Variants in ADCY1 observed in about 807,000 individuals in gnomAD.
ADCY1 encodes adenylate cyclase 1, also known as adenylate cyclase type 1.
ADCY1 carries 28 observed loss-of-function variants against 105.4 expected under a neutral mutation model. That is an observed-to-expected ratio of 0.27 (90% confidence interval 0.20 to 0.36). The LOEUF is 0.36. Among genes scored for constraint, ADCY1 ranks in the 10% least tolerant of loss-of-function variants. The pLI, the probability that ADCY1 is intolerant of heterozygous loss-of-function variation, is 1.00. For synonymous variants in ADCY1, 655 were observed against 623.8 expected (o/e 1.05, Z -0.75); for missense variants, 977 against 1,434.2 (o/e 0.68, Z 5.15).
chr7:45,629,055 A>G (rs1794150505), intron 4 of ADCY1, among the ~76,000 whole-genome samples: 1 of 152,182 alleles, frequency 6.6e-6, no homozygotes, highest in South Asian at 2.1e-4. Flanking sequence ...TGCTGAGCAT[A>G]TCTTCCAGTG....
At chr7:45,700,674 C>T (rs1322094490) in intron 14 of ADCY1, among the ~76,000 whole-genome samples, 1 of 152,182 alleles carries the variant, frequency 6.6e-6, no homozygotes, top group Non-Finnish European at 1.5e-5. Flanking sequence ...GCAGTGCTGA[C>T]CTGACACTGG....
In ADCY1 at chr7:45,601,617, G is replaced by A. The variant is rs187618163; in HGVS notation, c.789+8709G>A. 4.5e-4 allele frequency among the ~76,000 whole-genome samples: 69 copies of A among 152,276 alleles called. 2 individuals carry two copies. The East Asian group carries it at 0.011, about 24-fold the overall frequency. On this transcript the variant is annotated intron_variant, in intron 2 of 19. Coordinates refer to ENST00000297323, the MANE Select transcript of ADCY1 (RefSeq NM_021116.4). The stretch of plus-strand genomic sequence containing the variant: ...ATGGCTGGTAGAGGTGCAGTCATGA[G>A]TCCTCATTAATAGGTGTGTAGTGAA...
chr7:45,684,468 G>A (rs1240071035), intron 11 of ADCY1: 13 of 152,328 alleles, frequency 8.5e-5, no homozygotes, highest in Admixed American at 8.5e-4. Flanking sequence ...AGTGTTAAGT[G>A]TAAAAAGGAC....
At chr7:45,579,953 T>G (rs1030235869) in intron 1 of ADCY1, among the ~76,000 whole-genome samples, 1 of 16,438 alleles carries the variant, frequency 6.1e-5, no homozygotes. Context: ...CGTCCCCCCC[T>G]TCCCCCTTCC....
chr7:45,629,553 C>T (rs1436724215), intron 4 of ADCY1, among the ~76,000 whole-genome samples: 1 of 151,316 alleles, frequency 6.6e-6, no homozygotes, highest in African/African-American at 2.4e-5. Flanking sequence ...GCTCTGTCGC[C>T]CAGGCCGGAC....
chr7:45,674,196 G>C (rs1217773704), intron 8 of ADCY1, among the ~76,000 whole-genome samples: 1 of 151,508 alleles, frequency 6.6e-6, no homozygotes, highest in African/African-American at 2.4e-5. Flanking sequence ...TTATGGCCAA[G>C]GTCTCTTAAT....
intron 2 of ADCY1, among the ~76,000 whole-genome samples, chr7:45,609,512 T>C (rs558363999): frequency 1.3e-5 from 2 of 152,328 alleles, no homozygotes; most frequent in East Asian, 3.9e-4. Flanking sequence ...GTTTCCGCGC[T>C]TGTCAGTGGG....
At chr7:45,657,561 G>A (rs892771413) in intron 5 of ADCY1, among the ~76,000 whole-genome samples, 166 bp from the exon 6 acceptor site, 4 of 152,344 alleles carry the variant, frequency 2.6e-5, no homozygotes, top group African/African-American at 7.2e-5. Flanking sequence ...GGGCAGGAAG[G>A]CTCCATGTCC....
intron 4 of ADCY1, among the ~76,000 whole-genome samples, chr7:45,644,146 C>A (rs577774524): frequency 2.1e-4 from 32 of 152,310 alleles, no homozygotes; most frequent in African/African-American, 7.5e-4. Flanking sequence ...GGCTTTTCAT[C>A]CTCTCCTTCT....
intron 5 of ADCY1, among the ~76,000 whole-genome samples, chr7:45,655,119 C>T (rs993309383): frequency 1.3e-5 from 2 of 152,196 alleles, no homozygotes; most frequent in Non-Finnish European, 2.9e-5. Flanking sequence ...TAATGGCTGA[C>T]ACTCAGTAGA....
intron 2 of ADCY1, among the ~76,000 whole-genome samples, chr7:45,606,192 G>A (rs1260133992): frequency 6.6e-6 from 1 of 152,086 alleles, no homozygotes; most frequent in Non-Finnish European, 1.5e-5. Context: ...CAGAGTTGGG[G>A]GATGCTTGTT....
At chr7:45,617,313 A>T (rs1315591647) in intron 3 of ADCY1, among the ~76,000 whole-genome samples, 1 of 152,144 alleles carries the variant, frequency 6.6e-6, no homozygotes, top group Non-Finnish European at 1.5e-5. Context: ...CTTAAGCAGG[A>T]TGTGAATTGC....
intron 11 of ADCY1, 63 bp downstream of exon 11, chr7:45,679,856 T>C: frequency 1.9e-6 from 3 of 1,565,004 alleles, no homozygotes; most frequent in Non-Finnish European, 1.8e-6. Flanking sequence ...GAGTGGCCTG[T>C]ATCCTGCACC....
At chr7:45,594,401 C>G (rs1430634302) in intron 2 of ADCY1, among the ~76,000 whole-genome samples, 2 of 152,112 alleles carry the variant, frequency 1.3e-5, no homozygotes, top group Admixed American at 6.5e-5. Flanking sequence ...ACCATAAGAT[C>G]CCAGAAATGA....
chr7:45,671,126 G>T (rs1784357638), intron 8 of ADCY1, among the ~76,000 whole-genome samples: 1 of 152,242 alleles, frequency 6.6e-6, no homozygotes, highest in African/African-American at 2.4e-5. Flanking sequence ...CTTCAGGACA[G>T]AGGTTCCCCT....
intron 5 of ADCY1, among the ~76,000 whole-genome samples, chr7:45,656,270 T>C (rs1016371776): frequency 2.0e-5 from 3 of 151,586 alleles, no homozygotes; most frequent in African/African-American, 7.3e-5. Flanking sequence ...GCCACTGCAC[T>C]GCAGCCTGGG....
At chr7:45,691,279 A>G (rs1395456012) in intron 14 of ADCY1, among the ~76,000 whole-genome samples, 1 of 152,234 alleles carries the variant, frequency 6.6e-6, no homozygotes, top group Non-Finnish European at 1.5e-5. Flanking sequence ...ATCCTTGTGC[A>G]TGCGTGTCAC....
intron 4 of ADCY1, among the ~76,000 whole-genome samples, chr7:45,627,739 A>G (rs1416858169): frequency 6.6e-6 from 1 of 152,196 alleles, no homozygotes; most frequent in Non-Finnish European, 1.5e-5. Context: ...TACCTGGGAC[A>G]GCTGGCTTTG....
rs752791671 is a variant in ADCY1 at position 45,591,538 on chromosome 7, G to C, written c.640-1221G>C. Among the ~76,000 whole-genome samples the C allele has an allele frequency of 6.6e-6, 1 of 152,252 alleles. No homozygotes were observed. The highest frequency in any genetic ancestry group is 1.5e-5 in the Non-Finnish European group (1 of 68,044). On this transcript the variant is annotated intron_variant, in intron 1 of 19. Coordinates refer to ENST00000297323, the MANE Select transcript of ADCY1 (RefSeq NM_021116.4). The surrounding 1 kb of genome is among the most constrained non-coding windows in gnomAD (Gnocchi z 4.1). ...TGACAGCCGGAGCCTGCAGGTTTCTGCTCCCTGGGAGACAGGTAGAAATGC... is the reference window on the plus strand; with the variant it reads ...TGACAGCCGGAGCCTGCAGGTTTCTCCTCCCTGGGAGACAGGTAGAAATGC...
Sources: allele counts gnomAD v4.1 joint callset (sites outside exome capture counted in the v4.1 genomes callset), GRCh38; gene constraint gnomAD v4.1.1; non-coding constraint Gnocchi (gnomAD v3.1); transcripts MANE v1.5; gene names NCBI Gene and HGNC (gene_info 2026-07-23, HGNC 2026-07-21).